The following AKR1B10 variants were observed in gnomAD, a reference collection of about 807,000 sequenced individuals.
AKR1B10 encodes ARP.
Under a neutral mutation model 38.9 loss-of-function variants are expected in AKR1B10, and 39 were observed. The observed-to-expected ratio is 1.00, with a 90% CI of 0.78 to 1.31. The LOEUF (loss-of-function observed/expected upper bound fraction) is 1.31. Ranked by LOEUF, AKR1B10 falls within the 50% of genes most tolerant of loss-of-function variation. AKR1B10 has a pLI of 0.00. For synonymous variants in AKR1B10, 148 were observed against 141.2 expected (o/e 1.05, Z -0.34); for missense variants, 361 against 382.6 (o/e 0.94, Z 0.47).
At chr7:134,531,814 T>C in intron 2 of AKR1B10, 94 bp from the exon 3 acceptor site, 1 of 1,425,872 alleles carries the variant, frequency 7.0e-7, no homozygotes, top group South Asian at 1.2e-5. Flanking sequence ...TGTGGTGGGT[T>C]AGATGAGGAT....
chr7:134,535,607 T>TA, intron 4 of AKR1B10: 13 of 951,606 alleles, frequency 1.4e-5, no homozygotes, highest in Non-Finnish European at 1.5e-5. Context: ...TTTTTTTTTT[T>TA]TCTTTTGAGG....
At chr7:134,540,203 G>A (rs1281497280) in intron 9 of AKR1B10, among the ~76,000 whole-genome samples, 2 of 151,876 alleles carry the variant, frequency 1.3e-5, no homozygotes, top group East Asian at 1.9e-4. Flanking sequence ...GGGTGACAGC[G>A]CGAGACTCTG....
chr7:134,530,457 G>A (rs1263930788), intron 1 of AKR1B10, among the ~76,000 whole-genome samples, 186 bp from the exon 2 acceptor site: 3 of 152,166 alleles, frequency 2.0e-5, no homozygotes, highest in Non-Finnish European at 2.9e-5. Context: ...GCCTTGTGGG[G>A]CAGCCTGTTG....
In AKR1B10 at chr7:134,539,201, C is replaced by T. The variant is rs1585758371; in HGVS notation, c.908+184C>T. 5.3e-5 allele frequency: 35 copies of T among 657,442 alleles called. No homozygotes were observed. In the East Asian group the frequency reaches 9.5e-4, roughly 18 times the overall value. 40.7% of individuals were successfully genotyped at this position (657,442 alleles called of 1,614,324 possible). A position where few individuals can be genotyped will look rare whatever the true frequency, so the allele number is the denominator to read the frequency against. Reference sequence around the variant, plus strand: ...GTGAGGGACACATCTCTAATTGCTGCTCATTGTCTGAACTTCTGGATGTAG... The same window carrying T: ...GTGAGGGACACATCTCTAATTGCTGTTCATTGTCTGAACTTCTGGATGTAG... On this transcript the variant is annotated intron_variant, in intron 9 of 9. Transcript: ENST00000359579.
At chr7:134,538,643 A>C (rs530109356) in intron 8 of AKR1B10, among the ~76,000 whole-genome samples, 12 of 152,198 alleles carry the variant, frequency 7.9e-5, no homozygotes, top group Non-Finnish European at 1.2e-4. Flanking sequence ...GTCCTTGGAG[A>C]AGTGTCCTCT....
At chr7:134,540,966 G>T in intron 9 of AKR1B10, 81 bp from the exon 10 acceptor site, 1 of 1,027,828 alleles carries the variant, frequency 9.7e-7, no homozygotes, top group South Asian at 1.3e-5. Flanking sequence ...GAGTCCACCA[G>T]GGAAGAATAC....
intron 3 of AKR1B10, 24 bp downstream of exon 3, chr7:134,532,048 C>G (rs1264844762): frequency 6.2e-7 from 1 of 1,613,342 alleles, no homozygotes; most frequent in Admixed American, 1.7e-5. Flanking sequence ...TCTTTCTCAG[C>G]CTCTAGTTTC....
chr7:134,531,894 T>A lies in AKR1B10; in HGVS notation c.235-14T>A, dbSNP rs1322600280. The A allele has an allele frequency of 3.1e-6, 5 of 1,613,836 alleles. No individual in the cohort carries two copies. Among genetic ancestry groups the A allele is most frequent in the Admixed American group, 1.7e-5 (1 of 59,996 alleles). ...TTTCCCAGTATTAATAGCTCATTGC[T>A]ACACTCTTTGCAGTTGTGGCCCACT... is the stretch of plus-strand genomic sequence containing the variant. On this transcript the variant is annotated splice_polypyrimidine_tract_variant and intron_variant, in intron 2 of 9. Coordinates refer to ENST00000359579, the MANE Select transcript of AKR1B10 (RefSeq NM_020299.5).
At chr7:134,530,213 T>C (rs556035402) in intron 1 of AKR1B10, among the ~76,000 whole-genome samples, 1 of 152,334 alleles carries the variant, frequency 6.6e-6, no homozygotes, top group Admixed American at 6.5e-5. Context: ...AGCTTTCATC[T>C]GGGTCTTCAG....
chr7:134,528,923 C>A (rs1194410807), intron 1 of AKR1B10, among the ~76,000 whole-genome samples: 1 of 152,156 alleles, frequency 6.6e-6, no homozygotes, highest in Non-Finnish European at 1.5e-5. Context: ...CACCACCCGG[C>A]TGTGTTAACG....
chr7:134,537,628 G>C lies in AKR1B10; in HGVS notation c.708G>C (p.Glu236Asp). ...PSLLEDPKIK[E>D]IAAKHKKTAA... ...TGCTGGAGGATCCCAAGATTAAGGA[G>C]ATTGCTGCAAAGCACAAAAAAACCG... Residue 236 changes from glutamate (E) to aspartate (D), a missense_variant, in exon 7 of 10, where the codon GAG (glutamate) becomes GAC (aspartate). This residue lies in a region of AKR1B10 where 132 missense variants were observed against 134.6 expected (regional missense o/e 0.98). Coordinates refer to ENST00000359579, the MANE Select transcript of AKR1B10 (RefSeq NM_020299.5). 2.5e-6 allele frequency: 4 copies of C among 1,614,122 alleles called. No homozygotes were observed. Among genetic ancestry groups the C allele is most frequent in the Non-Finnish European group, 3.4e-6 (4 of 1,179,990 alleles).
intron 2 of AKR1B10, 76 bp downstream of exon 2, chr7:134,530,886 C>T: frequency 2.0e-6 from 3 of 1,530,340 alleles, no homozygotes; most frequent in Non-Finnish European, 2.6e-6. Flanking sequence ...GCAGCAAGAA[C>T]TCTGTCAGCC....
At chr7:134,535,562 C>T (rs1324782895) in intron 4 of AKR1B10, 322 of 962,478 alleles carry the variant, frequency 3.3e-4, no homozygotes, top group Non-Finnish European at 3.9e-4. Context: ...GTCATATGCT[C>T]ATGTTTTTTC....
At chr7:134,537,925 G>A (rs1290974937) in intron 7 of AKR1B10, among the ~76,000 whole-genome samples, 1 of 151,746 alleles carries the variant, frequency 6.6e-6, no homozygotes, top group Non-Finnish European at 1.5e-5. Flanking sequence ...GGATATGGGT[G>A]CAGATGCCAA....
chr7:134,536,533 C>A, intron 4 of AKR1B10, 117 bp from the exon 5 acceptor site: 3 of 1,451,638 alleles, frequency 2.1e-6, no homozygotes, highest in Non-Finnish European at 2.7e-6. Flanking sequence ...GTGAATGCTT[C>A]GGCTAACCCT....
chr7:134,530,584 G>T (rs1348832732), intron 1 of AKR1B10, 59 bp from the exon 2 acceptor site: 1 of 1,592,880 alleles, frequency 6.3e-7, no homozygotes, highest in Non-Finnish European at 8.6e-7. Flanking sequence ...GGGCAACACG[G>T]CAGGGCCCCA....
chr7:134,530,641 A>G lies in AKR1B10; in HGVS notation c.67-2A>G. ...GTGATGAGCTTTTCTTTTGCCTTTC[A>G]GTCTCCTCTTGGCAAAGTGAAAGAA... On this transcript the variant is annotated splice_acceptor_variant, in intron 1 of 9. Coordinates refer to ENST00000359579, the MANE Select transcript of AKR1B10 (RefSeq NM_020299.5). LOFTEE classifies it high-confidence loss of function. 6.2e-7 allele frequency: 1 copy of G among 1,613,856 alleles called. No individual in the cohort carries two copies. Among genetic ancestry groups the G allele is most frequent in the South Asian group, 1.1e-5 (1 of 91,060 alleles).
At chr7:134,532,151 G>T (rs1807875342) in intron 3 of AKR1B10, 127 bp downstream of exon 3, 3 of 1,177,714 alleles carry the variant, frequency 2.5e-6, no homozygotes, top group South Asian at 2.7e-5. Context: ...GGGAATGGCA[G>T]GTGGTCAGGA....
In AKR1B10 at chr7:134,538,281, A is replaced by T; in HGVS notation, c.825+4A>T. 3.7e-6 allele frequency: 6 copies of T among 1,613,676 alleles called. No homozygotes were observed. The highest frequency in any genetic ancestry group is 2.2e-5 in the East Asian group (1 of 44,870). ...ACGCATTGTTGAGAACATTCAGGTA[A>T]GTTTCCGGCTGGTCGGCCCTGGTAT... On this transcript the variant is annotated splice_donor_region_variant and intron_variant, in intron 8 of 9. Coordinates refer to ENST00000359579, the MANE Select transcript of AKR1B10 (RefSeq NM_020299.5).
Sources: gnomAD v4.1 joint callset for allele counts (sites outside exome capture counted in the v4.1 genomes callset) on GRCh38, gnomAD v4.1.1 for gene constraint, gnomAD v4.1.1 regional missense constraint, MANE v1.5 for transcripts, NCBI Gene and HGNC (gene_info 2026-07-23, HGNC 2026-07-21) for gene names.